MRPL2: variants seen among roughly 807,000 people sequenced by gnomAD.
MRPL2 encodes the protein mitochondrial ribosomal protein L2.
MRPL2 carries 27 observed loss-of-function variants against 34.6 expected under a neutral mutation model. That is an observed-to-expected ratio of 0.78 (90% CI 0.58 to 1.08). The LOEUF (loss-of-function observed/expected upper bound fraction) is 1.08. Ranked by LOEUF, MRPL2 falls within the 50% of genes least tolerant of loss-of-function variation. The pLI, the probability that MRPL2 is intolerant of heterozygous loss-of-function variation, is 0.00. For synonymous variants in MRPL2, 155 were observed against 158.0 expected, an observed-to-expected ratio of 0.98 and a Z score of 0.14; for missense variants, 414 against 419.3, an observed-to-expected ratio of 0.99 and a Z score of 0.11.
Position 43,055,925 on chromosome 6 carries a change from G to A in MRPL2, c.603C>T (p.Gly201=). 1 of 1,613,870 alleles carries A rather than the reference G, an allele frequency of 6.2e-7. No individual in the cohort carries two copies. Among genetic ancestry groups the A allele is most frequent in the Non-Finnish European group, 8.5e-7 (1 of 1,179,844 alleles). The stretch of plus-strand genomic sequence containing the variant: ...CAGCTCGGATATATTGGGCACCCCG[G>A]CCTGGCTCACTTTCCACGTTGTTGA... The part of the protein sequence containing the change: ...TLINNVESEP[G]RGAQYIRAAG... The change falls in exon 5 of 7, where the codon GGC becomes GGT. Residue 201 remains glycine (G), a synonymous_variant. Transcript: ENST00000388752.
In MRPL2 at chr6:43,055,991, C is replaced by T; in HGVS notation, c.537G>A (p.Gly179=). 6.2e-7 allele frequency: 1 copy of T among 1,614,152 alleles called. No individual in the cohort carries two copies. The highest frequency in any genetic ancestry group is 8.5e-7 in the Non-Finnish European group (1 of 1,180,028). Residue 179 remains glycine (G), a synonymous_variant, in exon 5 of 7, where the codon GGG becomes GGA. Transcript: ENST00000388752. ...GCAGAGCCCCAAGAGGATGCGCATC[C>T]CCTTCCCGAGCAGCAACTAAAAGAC... The part of the protein sequence containing the change: ...IGRMAVAARE[G]DAHPLGALPV...
Position 43,054,239 on chromosome 6 carries a change from G to T in MRPL2, c.*35C>A. ...CAAAACCACAGTAACAGATTAAAAC[G>T]GGGGGGGGGGGCATTTTATTAGAGT... On this transcript the variant is annotated 3_prime_UTR_variant, in exon 7 of 7. Transcript: ENST00000388752. The T allele has an allele frequency of 2.3e-5, 3 of 132,544 alleles. No homozygotes were observed. Among genetic ancestry groups the T allele is most frequent in the Non-Finnish European group, 3.1e-5 (3 of 96,588 alleles). The allele number at this position is 132,544 out of a possible 1,614,324, so 8.2% of individuals were successfully genotyped here.
chr6:43,054,546 G>A, intron 6 of MRPL2, 60 bp from the exon 7 acceptor site: 1 of 1,470,554 alleles, frequency 6.8e-7, no homozygotes, highest in South Asian at 1.2e-5. Flanking sequence ...TGACAATGTT[G>A]AGAGCACACC....
At chr6:43,055,739 G>A (rs1388572281) in intron 5 of MRPL2, 121 bp from the exon 6 acceptor site, 33 of 1,305,368 alleles carry the variant, frequency 2.5e-5, no homozygotes, top group Non-Finnish European at 3.3e-5. Flanking sequence ...ACACAAAGAA[G>A]GACGCATGCT....
chr6:43,056,359 T>C lies in MRPL2; in HGVS notation c.352A>G (p.Lys118Glu). Residue 118 changes from lysine (K) to glutamate (E), a missense_variant, in exon 3 of 7, where the codon AAG (lysine) becomes GAG (glutamate). Coordinates refer to ENST00000388752, the MANE Select transcript of MRPL2 (RefSeq NM_015950.5). ...ACCTTCTCCTCAAAGGGTCCTGACT[T>C]GGTCTCCTCAGGCCGGAAACGCAGA... is the stretch of plus-strand genomic sequence containing the variant. ...DFLRFRPEETKSGPFEEKVIQ... is the reference protein window; with the variant it reads ...DFLRFRPEETESGPFEEKVIQ... 2 of 1,614,232 alleles carry C rather than the reference T, an allele frequency of 1.2e-6. No individual in the cohort carries two copies. The highest frequency in any genetic ancestry group is 1.7e-6 in the Non-Finnish European group (2 of 1,180,044).
chr6:43,054,239 G>GC lies in MRPL2; in HGVS notation c.*34_*35insG. On this transcript the variant is annotated 3_prime_UTR_variant, in exon 7 of 7. Coordinates refer to ENST00000388752, the MANE Select transcript of MRPL2 (RefSeq NM_015950.5). ...CAAAACCACAGTAACAGATTAAAAC[G>GC]GGGGGGGGGGGCATTTTATTAGAGT... The GC allele has an allele frequency of 7.5e-6, 1 of 132,546 alleles. No homozygotes were observed. The highest frequency in any genetic ancestry group is 1.0e-5 in the Non-Finnish European group (1 of 96,588). 8.2% of individuals were successfully genotyped at this position (132,546 alleles called of 1,614,324 possible).
intron 2 of MRPL2, among the ~76,000 whole-genome samples, chr6:43,056,822 C>T (rs1485093669): frequency 2.0e-5 from 3 of 151,882 alleles, no homozygotes; most frequent in Non-Finnish European, 4.4e-5. Context: ...CTACAGGTGC[C>T]CACCACCACG....
intron 2 of MRPL2, among the ~76,000 whole-genome samples, chr6:43,057,092 C>A (rs910366022): frequency 4.6e-5 from 7 of 152,208 alleles, no homozygotes; most frequent in African/African-American, 1.7e-4. Context: ...CTCTGTTGCC[C>A]AGGCTGGATC....
chr6:43,059,514 C>T (rs1216304224), upstream of MRPL2: 4 of 1,435,206 alleles, frequency 2.8e-6, no homozygotes, highest in Non-Finnish European at 3.6e-6. Context: ...TACACACCTC[C>T]TTTCCTACCT....
intron 1 of MRPL2, 133 bp from the exon 2 acceptor site, chr6:43,058,366 C>A: frequency 1.2e-6 from 1 of 800,248 alleles, no homozygotes; most frequent in Non-Finnish European, 2.0e-6. Flanking sequence ...ACCAGCTATC[C>A]AAAAACTCCA....
At chr6:43,059,793 T>A, upstream of MRPL2, 1 of 1,167,606 alleles carries the variant, frequency 8.6e-7, no homozygotes, top group Non-Finnish European at 1.1e-6. Context: ...CTTACAAAAC[T>A]CCAGCCTCCA....
intron 2 of MRPL2, 120 bp downstream of exon 2, chr6:43,057,945 A>G: frequency 2.5e-6 from 3 of 1,177,256 alleles, no homozygotes; most frequent in Non-Finnish European, 3.7e-6. Flanking sequence ...AAGGAGCCAA[A>G]TAAGTGCTTT....
Position 43,056,245 on chromosome 6 carries a change from T to C in MRPL2, c.405-49A>G, listed in dbSNP as rs572418188. ...AGCAGACCGTCTAGGCAGCCCCACATCTTCTGAGAAGCTATGGAGTTATTC... is the reference window on the plus strand; with the variant it reads ...AGCAGACCGTCTAGGCAGCCCCACACCTTCTGAGAAGCTATGGAGTTATTC... On this transcript the variant is annotated intron_variant, in intron 3 of 6. Transcript: ENST00000388752. The C allele has an allele frequency of 1.3e-4, 208 of 1,612,084 alleles. 1 individual carries two copies. The South Asian group carries it at 2.2e-3, about 17-fold the overall frequency.
Position 43,056,464 on chromosome 6 carries a change from G to T in MRPL2, c.266-19C>A. ...ATTCGGCCTGTGGTTTAGGACAGTT[G>T]GGGGATATGATTCAGGTCAGAGTAG... On this transcript the variant is annotated intron_variant, in intron 2 of 6. Transcript: ENST00000388752. 6.2e-7 allele frequency: 1 copy of T among 1,614,028 alleles called. No individual in the cohort carries two copies. Among genetic ancestry groups the T allele is most frequent in the Non-Finnish European group, 8.5e-7 (1 of 1,179,978 alleles).
Position 43,054,289 on chromosome 6 carries a change from A to G in MRPL2, c.903T>C (p.Ala301=). 6.2e-7 allele frequency: 1 copy of G among 1,608,008 alleles called. No homozygotes were observed. The highest frequency in any genetic ancestry group is 1.7e-5 in the Admixed American group (1 of 59,458). The part of the protein sequence containing the change: ...PMKSYVKLPS[A]SAQS The stretch of plus-strand genomic sequence containing the variant: ...TACAGGGATATCAGCTTTGGGCAGA[A>G]GCAGAAGGCAGCTTCACGTAACTCT... The change falls in exon 7 of 7, where the codon GCT becomes GCC. Residue 301 remains alanine, a synonymous_variant. Transcript: ENST00000388752.
At position 43,056,139 on chromosome 6, in the gene MRPL2, T is replaced by C. The variant is rs2150344968; in HGVS notation, c.462A>G (p.Thr154=). Residue 154 remains threonine (T), a synonymous_variant, in exon 4 of 7, where the codon ACA becomes ACG. Coordinates refer to ENST00000388752, the MANE Select transcript of MRPL2 (RefSeq NM_015950.5). ...GGSRKRWIIA[T]ENMQAGDTIL... ...TTGTATCTCCAGCCTGCATGTTTTC[T>C]GTGGCGATGATCCAGCGTTTCCGGC... 6.2e-7 allele frequency: 1 copy of C among 1,614,234 alleles called. No individual in the cohort carries two copies. Among genetic ancestry groups the C allele is most frequent in the Non-Finnish European group, 8.5e-7 (1 of 1,180,052 alleles).
intron 2 of MRPL2, 188 bp downstream of exon 2, chr6:43,057,877 C>T: frequency 3.5e-6 from 2 of 578,162 alleles, no homozygotes; most frequent in Non-Finnish European, 6.0e-6. Flanking sequence ...GAAGCATAGA[C>T]CAATTACCTA....
chr6:43,058,373 T>TC, intron 1 of MRPL2, 140 bp from the exon 2 acceptor site: 1 of 777,358 alleles, frequency 1.3e-6, no homozygotes, highest in East Asian at 2.7e-5. Context: ...ATCCAAAAAC[T>TC]CCACCCTTCA....
intron 2 of MRPL2, among the ~76,000 whole-genome samples, chr6:43,056,976 A>G (rs576983571): frequency 1.2e-3 from 176 of 152,058 alleles, no homozygotes; most frequent in African/African-American, 4.0e-3. Context: ...CCCAGCCAAA[A>G]TATTTTCAAA....
Sources: gnomAD v4.1 joint callset for allele counts (sites outside exome capture counted in the v4.1 genomes callset) on GRCh38, gnomAD v4.1.1 for gene constraint, MANE v1.5 for transcripts, NCBI Gene and HGNC (gene_info 2026-07-23, HGNC 2026-07-21) for gene names.